ERBB4: variants seen among roughly 807,000 people sequenced by gnomAD.
ERBB4 encodes erb-b2 receptor tyrosine kinase 4.
Under a neutral mutation model 158.0 loss-of-function variants are expected in ERBB4, and 42 were observed. That is an observed-to-expected ratio of 0.27 (90% CI 0.21 to 0.34). The LOEUF (loss-of-function observed/expected upper bound fraction) is 0.34, where lower values mean the gene tolerates loss of function less well. Among genes scored for constraint, ERBB4 ranks in the 10% least tolerant of loss-of-function variants. The pLI is 1.00. For missense variants in ERBB4, 1,333 were observed against 1,624.1 expected (o/e 0.82, Z 3.08); for synonymous variants, 583 against 558.7 (o/e 1.04, Z -0.61).
intron 19 of ERBB4, among the ~76,000 whole-genome samples, chr2:211,618,740 T>C (rs527805527): frequency 1.3e-5 from 2 of 152,240 alleles, no homozygotes; most frequent in African/African-American, 2.4e-5. Flanking sequence ...CACCACCACA[T>C]AGTCTTTCTA....
At chr2:211,966,304 C>T (rs548689852) in intron 2 of ERBB4, among the ~76,000 whole-genome samples, 3 of 152,224 alleles carry the variant, frequency 2.0e-5, no homozygotes, top group Admixed American at 6.5e-5. Flanking sequence ...TGCAGTGGCA[C>T]GATCTTGGCT....
intron 1 of ERBB4, among the ~76,000 whole-genome samples, chr2:212,246,511 G>A (rs762296471): frequency 4.0e-4 from 61 of 152,140 alleles, no homozygotes; most frequent in Non-Finnish European, 7.2e-4. Context: ...TGCAGGAGAT[G>A]AGAAAATGAA....
At chr2:211,774,007 G>A (rs2075808164) in intron 4 of ERBB4, among the ~76,000 whole-genome samples, 1 of 151,742 alleles carries the variant, frequency 6.6e-6, no homozygotes, top group Admixed American at 6.6e-5. Context: ...CTGGGTCAGT[G>A]TGTAAAATCT....
chr2:211,835,169 G>A (rs1370967585), intron 3 of ERBB4, among the ~76,000 whole-genome samples: 1 of 152,060 alleles, frequency 6.6e-6, no homozygotes, highest in Non-Finnish European at 1.5e-5. Context: ...CATCACCCCA[G>A]CTCTGCTTCA....
intron 18 of ERBB4, among the ~76,000 whole-genome samples, chr2:211,622,447 AT>A (rs1201840016): frequency 6.6e-6 from 1 of 152,160 alleles, no homozygotes; most frequent in Non-Finnish European, 1.5e-5. Flanking sequence ...AAACTTCTGC[AT>A]TTTGACCTTA....
intron 1 of ERBB4, among the ~76,000 whole-genome samples, chr2:212,134,968 G>A (rs1038205282): frequency 6.6e-6 from 1 of 152,116 alleles, no homozygotes; most frequent in Non-Finnish European, 1.5e-5. Flanking sequence ...TTATAGGCGT[G>A]AGCCACCGCG....
chr2:212,512,060 A>C (rs1310989919), intron 1 of ERBB4, among the ~76,000 whole-genome samples: 1 of 152,172 alleles, frequency 6.6e-6, no homozygotes, highest in Non-Finnish European at 1.5e-5. Context: ...TTCACTACTG[A>C]ACTGGCATGA....
At chr2:212,234,162 G>A (rs1364153054) in intron 1 of ERBB4, among the ~76,000 whole-genome samples, 5 of 151,922 alleles carry the variant, frequency 3.3e-5, no homozygotes, top group African/African-American at 1.2e-4. Flanking sequence ...GCCCTGTTGT[G>A]TGATGTTTCC....
chr2:212,035,156 CTG>C (rs2076985206), intron 2 of ERBB4, among the ~76,000 whole-genome samples: 3 of 152,118 alleles, frequency 2.0e-5, no homozygotes, highest in African/African-American at 7.2e-5. Flanking sequence ...AAATTCAAGC[CTG>C]TGTTAATCTT....
intron 5 of ERBB4, among the ~76,000 whole-genome samples, chr2:211,749,351 G>GT: frequency 6.6e-6 from 1 of 152,254 alleles, no homozygotes; most frequent in Non-Finnish European, 1.5e-5. Flanking sequence ...AAATCAAGCT[G>GT]TAGTACAACA....
At chr2:211,889,569 G>A (rs1222521815) in intron 3 of ERBB4, among the ~76,000 whole-genome samples, 2 of 151,820 alleles carry the variant, frequency 1.3e-5, no homozygotes, top group Non-Finnish European at 2.9e-5. Context: ...TGACTTTGAC[G>A]AGCTGAGAGA....
chr2:212,178,340 A>AGAGATGATGTTAGGGC (rs1460502179), intron 1 of ERBB4, among the ~76,000 whole-genome samples: 9 of 151,772 alleles, frequency 5.9e-5, no homozygotes, highest in African/African-American at 1.9e-4. Flanking sequence ...ATTTCAGACA[A>AGAGATGATGTTAGGGC]GAGATGATGT....
chr2:212,281,255 T>C (rs1432897458), intron 1 of ERBB4, among the ~76,000 whole-genome samples: 1 of 151,754 alleles, frequency 6.6e-6, no homozygotes, highest in Non-Finnish European at 1.5e-5. Flanking sequence ...CCTCCCTCTT[T>C]CCAAGATGTT....
intron 25 of ERBB4, among the ~76,000 whole-genome samples, chr2:211,397,433 A>G (rs1243970653): frequency 2.0e-5 from 3 of 152,240 alleles, no homozygotes; most frequent in African/African-American, 4.8e-5. Context: ...AATGAAGCAA[A>G]AAATGAAATG....
At chr2:211,437,162 T>C (rs2063872660) in intron 20 of ERBB4, among the ~76,000 whole-genome samples, 1 of 151,892 alleles carries the variant, frequency 6.6e-6, no homozygotes, top group Non-Finnish European at 1.5e-5. Flanking sequence ...CCTGAACTAT[T>C]CATAATCTGA....
intron 1 of ERBB4, among the ~76,000 whole-genome samples, chr2:212,453,074 A>T (rs1688088537): frequency 6.6e-6 from 1 of 152,196 alleles, no homozygotes; most frequent in Admixed American, 6.5e-5. Context: ...TCACTCGACT[A>T]GTCAAATACT....
chr2:211,787,067 G>A (rs890777940), intron 4 of ERBB4, among the ~76,000 whole-genome samples: 1 of 151,840 alleles, frequency 6.6e-6, no homozygotes, highest in African/African-American at 2.4e-5. Context: ...ATATTATTAG[G>A]GCCATGATGA....
chr2:212,132,788 C>T (rs138559548), intron 1 of ERBB4, among the ~76,000 whole-genome samples: 50 of 151,972 alleles, frequency 3.3e-4, no homozygotes, highest in Middle Eastern at 3.4e-3. Flanking sequence ...TGTGTGTGCG[C>T]GCTATATATA....
At chr2:211,798,574 A>C (rs534658128) in intron 3 of ERBB4, among the ~76,000 whole-genome samples, 56 of 152,266 alleles carry the variant, frequency 3.7e-4, no homozygotes, top group African/African-American at 1.3e-3. Context: ...CTAGGTGTTC[A>C]AAAGGTACTA....
Sources: allele counts gnomAD v4.1 joint callset (sites outside exome capture counted in the v4.1 genomes callset), GRCh38; gene constraint gnomAD v4.1.1; transcripts MANE v1.5; gene names NCBI Gene and HGNC (gene_info 2026-07-23, HGNC 2026-07-21).